The following HSPA4L variants were observed in gnomAD, a reference collection of about 807,000 sequenced individuals.
HSPA4L encodes heat shock 70 kDa protein 4L.
HSPA4L carries 48 observed loss-of-function variants against 100.3 expected under a neutral mutation model. The ratio of observed to expected loss-of-function variants is 0.48; its 90% CI spans 0.38 to 0.61. The LOEUF is 0.61. HSPA4L is among the 20% of genes least tolerant of loss of function. The pLI is 0.00. For missense variants in HSPA4L, 886 were observed against 988.6 expected (o/e 0.90, Z 1.39); for synonymous variants, 319 against 328.2 (o/e 0.97, Z 0.30).
intron 15 of HSPA4L, 40 bp downstream of exon 15, chr4:127,822,934 A>T: frequency 4.4e-6 from 7 of 1,584,072 alleles, no homozygotes; most frequent in Non-Finnish European, 6.0e-6. Flanking sequence ...AGGACTATTT[A>T]AAGGTTTACT....
intron 16 of HSPA4L, among the ~76,000 whole-genome samples, chr4:127,825,562 A>G (rs1048017123): frequency 1.3e-5 from 2 of 152,152 alleles, no homozygotes; most frequent in Non-Finnish European, 2.9e-5. Flanking sequence ...AGAAAACCTA[A>G]GTTTATGATA....
At chr4:127,788,005 G>T (rs987421592) in intron 1 of HSPA4L, among the ~76,000 whole-genome samples, 9 of 152,016 alleles carry the variant, frequency 5.9e-5, no homozygotes, top group African/African-American at 2.2e-4. Context: ...ATAACCAAAA[G>T]AATTTTAACA....
intron 18 of HSPA4L, 100 bp from the exon 19 acceptor site, chr4:127,832,583 G>A: frequency 9.7e-7 from 1 of 1,028,024 alleles, no homozygotes; most frequent in Non-Finnish European, 1.4e-6. Context: ...CAGAAAGGGG[G>A]AATTATGTGA....
chr4:127,818,089 C>T (rs1166450719), intron 12 of HSPA4L, among the ~76,000 whole-genome samples: 10 of 150,620 alleles, frequency 6.6e-5, no homozygotes, highest in Non-Finnish European at 1.5e-4. Flanking sequence ...ACGTATTTTG[C>T]AATTACTTAG....
chr4:127,781,944 A>G (rs1732563060), upstream of HSPA4L: 2 of 410,114 alleles, frequency 4.9e-6, no homozygotes, highest in South Asian at 1.7e-5. Flanking sequence ...GGTTGCCAAA[A>G]CAACCCAAAA....
rs1380154 is a variant in HSPA4L, at chr4:127,801,887, T to C, written c.632T>C (p.Leu211Ser). 0.67 allele frequency: 1,075,233 copies of C among 1,604,284 alleles called. 363,089 individuals are homozygous for C. The highest frequency in any genetic ancestry group is 0.83 in the Middle Eastern group (5,012 of 6,034). ...IDMGHSAYQV[L>S]VCAFNKGKLK... is the part of the protein sequence containing the mutation. ...ATGGGACATTCTGCCTATCAGGTCT[T>C]GGTTTGTGCTTTTAACAAAGGAAAA... Residue 211 changes from leucine (L) to serine (S), a missense_variant, in exon 6 of 19, where the codon TTG becomes TCG. Physicochemically the swap from Leu to Ser is moderately radical, Grantham distance 145. Transcript: ENST00000296464.
At chr4:127,822,638 C>T in intron 14 of HSPA4L, 131 bp from the exon 15 acceptor site, 1 of 844,792 alleles carries the variant, frequency 1.2e-6, no homozygotes, top group Non-Finnish European at 1.8e-6. Flanking sequence ...TTCACTTTCT[C>T]CACATCCTCA....
chr4:127,787,043 A>G (rs1412621680), intron 1 of HSPA4L, among the ~76,000 whole-genome samples: 1 of 152,212 alleles, frequency 6.6e-6, no homozygotes, highest in Non-Finnish European at 1.5e-5. Context: ...ATATTTTATC[A>G]TCAAAATTCT....
rs772157882 is a variant in HSPA4L at position 127,801,949 on chromosome 4, A to G, written c.663+31A>G. On this transcript the variant is annotated intron_variant, in intron 6 of 18. Transcript: ENST00000296464. ...TAAACACATGGTTTGTTATATTTAC[A>G]TATGTTAAGAACACAGACTAAAGAA... is the stretch of plus-strand genomic sequence containing the variant. 3.9e-6 allele frequency: 6 copies of G among 1,550,654 alleles called. No homozygotes were observed. In the East Asian group the frequency reaches 6.8e-5, roughly 18 times the overall value.
chr4:127,811,418 G>T lies in HSPA4L; in HGVS notation c.1379-19G>T, dbSNP rs1442147719. ...TAATCTGAGGCTCACATACTGATTG[G>T]AGTTCTTTTTTCCTTAAGGGAGCTT... On this transcript the variant is annotated intron_variant, in intron 11 of 18. Coordinates refer to ENST00000296464, the MANE Select transcript of HSPA4L (RefSeq NM_014278.4). The T allele has an allele frequency of 1.3e-6, 2 of 1,587,090 alleles. No individual in the cohort carries two copies. Among genetic ancestry groups the T allele is most frequent in the Non-Finnish European group, 1.7e-6 (2 of 1,156,086 alleles).
rs534371648 is a variant in HSPA4L at position 127,831,310 on chromosome 4, A to T, written c.2328+511A>T. On this transcript the variant is annotated intron_variant, in intron 18 of 18. Transcript: ENST00000296464. ...GAACCCAGGAGTTCGAGACCAGCAT[A>T]AACAACATGGTGAAACCCCATCTCT... 2.6e-5 allele frequency among the ~76,000 whole-genome samples: 4 copies of T among 152,036 alleles called. 1 individual carries two copies. In the South Asian group the frequency reaches 8.3e-4, roughly 32 times the overall value.
chr4:127,795,510 C>T (rs928981532), intron 2 of HSPA4L, among the ~76,000 whole-genome samples: 9 of 152,048 alleles, frequency 5.9e-5, no homozygotes, highest in Non-Finnish European at 1.2e-4. Context: ...AAGGTTTATT[C>T]GTTCTCTTCT....
chr4:127,793,001 G>A (rs955193987), intron 1 of HSPA4L, among the ~76,000 whole-genome samples: 1 of 152,182 alleles, frequency 6.6e-6, no homozygotes, highest in South Asian at 2.1e-4. Context: ...AATTTGCAGG[G>A]TAGAGCAGCC....
intron 13 of HSPA4L, among the ~76,000 whole-genome samples, chr4:127,818,952 C>T (rs538769751): frequency 8.6e-5 from 13 of 151,614 alleles, no homozygotes; most frequent in African/African-American, 3.1e-4. Flanking sequence ...TACCTTATTT[C>T]CTTAATTCAT....
At chr4:127,831,529 C>T (rs1247762181) in intron 18 of HSPA4L, among the ~76,000 whole-genome samples, 1 of 134,888 alleles carries the variant, frequency 7.4e-6, no homozygotes, top group African/African-American at 2.8e-5. Context: ...AAAAAGGAAG[C>T]AATCTAAATA....
intron 10 of HSPA4L, among the ~76,000 whole-genome samples, chr4:127,806,564 T>TA (rs886317904): frequency 2.6e-4 from 40 of 152,104 alleles, no homozygotes; most frequent in East Asian, 7.7e-4. Flanking sequence ...GCCAATATTT[T>TA]AAAAAAAGCA....
rs757912029 is a variant in HSPA4L at position 127,818,309 on chromosome 4, T to C, written c.1579-16T>C. On this transcript the variant is annotated splice_polypyrimidine_tract_variant and intron_variant, in intron 12 of 18. Transcript: ENST00000296464. ...AAGACACTGCGTATATTATCAATTA[T>C]GTATTTTCTTTCTAGGATAAAATGC... The C allele has an allele frequency of 3.2e-6, 5 of 1,550,536 alleles. No homozygotes were observed. Among genetic ancestry groups the C allele is most frequent in the African/African-American group, 2.7e-5 (2 of 73,524 alleles).
At chr4:127,812,639 T>C (rs991393644) in intron 12 of HSPA4L, 1 of 663,436 alleles carries the variant, frequency 1.5e-6, no homozygotes, top group Non-Finnish European at 2.6e-6. Flanking sequence ...TGCCCTAGAT[T>C]TTTTGTTTGT....
chr4:127,826,261 CAGGCACAGTGGTATGTGCCTGTAGTT>C (rs1733947369), intron 16 of HSPA4L, among the ~76,000 whole-genome samples: 1 of 151,992 alleles, frequency 6.6e-6, no homozygotes, highest in Non-Finnish European at 1.5e-5. Context: ...ATAAATTAGC[CAGGCACAGTGGTATGTGCCTGTAGTT>C]CCAGGTTGGG....
Sources: gnomAD v4.1 joint callset for allele counts (sites outside exome capture counted in the v4.1 genomes callset) on GRCh38, gnomAD v4.1.1 for gene constraint, MANE v1.5 for transcripts, NCBI Gene and HGNC (gene_info 2026-07-23, HGNC 2026-07-21) for gene names.